Variants in IL1RAP observed in about 807,000 individuals in gnomAD.
The protein encoded by IL1RAP is interleukin-1 receptor accessory protein.
Under a neutral mutation model 60.7 loss-of-function variants are expected in IL1RAP, and 35 were observed. The observed-to-expected ratio is 0.58, with a 90% CI of 0.44 to 0.76. IL1RAP has a LOEUF of 0.76. Among genes scored for constraint, IL1RAP ranks in the 30% least tolerant of loss-of-function variants. The probability of loss-of-function intolerance (pLI) is 0.00; values close to 1 mark genes in which losing one functional copy is unlikely to be tolerated. For synonymous variants in IL1RAP, 268 were observed against 250.9 expected (o/e 1.07, Z -0.64); for missense variants, 572 against 693.9 (o/e 0.82, Z 1.97).
intron 3 of IL1RAP, among the ~76,000 whole-genome samples, chr3:190,597,782 C>T (rs909268985): frequency 6.6e-5 from 10 of 152,142 alleles, no homozygotes; most frequent in African/African-American, 1.4e-4. Flanking sequence ...ATATGCTTGC[C>T]GTTAAAATGT....
intron 7 of IL1RAP, among the ~76,000 whole-genome samples, chr3:190,626,817 G>A (rs1732321310): frequency 6.6e-6 from 1 of 151,536 alleles, no homozygotes; most frequent in Admixed American, 6.6e-5. Context: ...ATTACAGGCG[G>A]TGCCACCATG....
At chr3:190,648,228 C>T (rs1051958648) in intron 11 of IL1RAP, 110 bp from the exon 12 acceptor site, 41 of 1,380,450 alleles carry the variant, frequency 3.0e-5, no homozygotes, top group African/African-American at 7.3e-5. Flanking sequence ...AAATGTTTCA[C>T]CTCAATTCTT....
chr3:190,626,664 C>CAT (rs1553850789), intron 7 of IL1RAP, among the ~76,000 whole-genome samples: 1 of 99,988 alleles, frequency 1.0e-5, no homozygotes, highest in Non-Finnish European at 1.9e-5. Flanking sequence ...TGTCAGAGAC[C>CAT]TTTTTTTTTT....
At chr3:190,559,829 A>AT (rs1725733504) in intron 2 of IL1RAP, among the ~76,000 whole-genome samples, 2 of 152,124 alleles carry the variant, frequency 1.3e-5, no homozygotes. Context: ...AGAATGCCTT[A>AT]TTTTTTACTT....
intron 9 of IL1RAP, among the ~76,000 whole-genome samples, chr3:190,630,773 T>C (rs966641455): frequency 6.6e-6 from 1 of 152,196 alleles, no homozygotes; most frequent in African/African-American, 2.4e-5. Context: ...ATTATTGTAC[T>C]CTAGAATCAG....
At chr3:190,541,938 G>T (rs1267504513) in intron 1 of IL1RAP, among the ~76,000 whole-genome samples, 2 of 152,098 alleles carry the variant, frequency 1.3e-5, no homozygotes, top group Non-Finnish European at 2.9e-5. Flanking sequence ...AACTGACTGA[G>T]AAAAACAACT....
chr3:190,583,386 A>G (rs16865658), intron 3 of IL1RAP, among the ~76,000 whole-genome samples: 6,159 of 152,312 alleles, frequency 0.04, 406 homozygotes, highest in African/African-American at 0.14. Flanking sequence ...ATAACAAGGT[A>G]TATATGCCAG....
At chr3:190,602,826 A>T (rs1209386413) in intron 3 of IL1RAP, among the ~76,000 whole-genome samples, 1 of 152,226 alleles carries the variant, frequency 6.6e-6, no homozygotes, top group Admixed American at 6.5e-5. Context: ...AAATACATAC[A>T]TAAGCATGTG....
At chr3:190,525,339 C>G (rs1466121995) in intron 1 of IL1RAP, among the ~76,000 whole-genome samples, 2 of 152,082 alleles carry the variant, frequency 1.3e-5, no homozygotes, top group African/African-American at 2.4e-5. Context: ...CTGAGAAGGA[C>G]CCACGATAGG....
intron 3 of IL1RAP, among the ~76,000 whole-genome samples, chr3:190,571,114 G>A (rs976791369): frequency 9.9e-5 from 15 of 152,072 alleles, no homozygotes; most frequent in Admixed American, 9.2e-4. Context: ...CAGGCACATC[G>A]ATCATGATTT....
intron 3 of IL1RAP, among the ~76,000 whole-genome samples, chr3:190,591,645 A>G (rs1330553671): frequency 6.6e-6 from 1 of 152,226 alleles, no homozygotes; most frequent in Non-Finnish European, 1.5e-5. Context: ...CAGAGACTGT[A>G]TATTTTCTAG....
Position 190,566,883 on chromosome 3 carries a change from C to T in IL1RAP, c.64+2530C>T, listed in dbSNP as rs534471200. Among the ~76,000 whole-genome samples, 325 of 152,322 alleles carry T rather than the reference C, an allele frequency of 2.1e-3. 1 individual carries two copies. The highest frequency in any genetic ancestry group is 7.2e-3 in the African/African-American group (301 of 41,590). On this transcript the variant is annotated intron_variant, in intron 3 of 11. Coordinates refer to ENST00000447382, the MANE Select transcript of IL1RAP (RefSeq NM_002182.4). ...GCCTTTTACAAGGCATCTGTGGATGCTGACAGATTTGTTGGTCTTTCATGA... is the reference window on the plus strand; with the variant it reads ...GCCTTTTACAAGGCATCTGTGGATGTTGACAGATTTGTTGGTCTTTCATGA...
At chr3:190,616,421 G>GT (rs201121490) in intron 5 of IL1RAP, among the ~76,000 whole-genome samples, 4,217 of 146,618 alleles carry the variant, frequency 0.029, 150 homozygotes, top group African/African-American at 0.086. Flanking sequence ...ACCATTTGTG[G>GT]TTTTTTTTTT....
chr3:190,615,344 T>G, intron 5 of IL1RAP: 2 of 1,256,794 alleles, frequency 1.6e-6, no homozygotes, highest in Non-Finnish European at 2.1e-6. Context: ...CATATAGAAG[T>G]AAAGACACAG....
intron 3 of IL1RAP, among the ~76,000 whole-genome samples, chr3:190,594,359 C>G (rs1729200847): frequency 2.6e-5 from 4 of 152,174 alleles, no homozygotes; most frequent in Admixed American, 2.6e-4. Flanking sequence ...TATTCAAGGT[C>G]CCACCTCCTT....
intron 9 of IL1RAP, among the ~76,000 whole-genome samples, chr3:190,638,380 C>A (rs1307914728): frequency 1.3e-5 from 2 of 152,108 alleles, no homozygotes; most frequent in African/African-American, 2.4e-5. Context: ...TGAGCACTTA[C>A]ACCTCATGTG....
chr3:190,600,765 C>G (rs193098827), intron 3 of IL1RAP, among the ~76,000 whole-genome samples: 2 of 152,266 alleles, frequency 1.3e-5, no homozygotes, highest in African/African-American at 2.4e-5. Context: ...AGTGGGTGAA[C>G]AGCACTAATG....
At chr3:190,625,077 A>C (rs1732130761) in intron 7 of IL1RAP, 1 of 153,770 alleles carries the variant, frequency 6.5e-6, no homozygotes, top group African/African-American at 2.4e-5. Context: ...AATAAGTTTA[A>C]CCTGGATGTG....
At chr3:190,543,634 T>C (rs897523506) in intron 1 of IL1RAP, among the ~76,000 whole-genome samples, 2 of 152,058 alleles carry the variant, frequency 1.3e-5, no homozygotes, top group Non-Finnish European at 2.9e-5. Context: ...TGTGTACACT[T>C]GGAGAGGGTA....
Sources: allele counts gnomAD v4.1 joint callset (sites outside exome capture counted in the v4.1 genomes callset), GRCh38; gene constraint gnomAD v4.1.1; transcripts MANE v1.5; gene names NCBI Gene and HGNC (gene_info 2026-07-23, HGNC 2026-07-21).